PPFIA2: variants seen among roughly 807,000 people sequenced by gnomAD.
The protein encoded by PPFIA2 is liprin-alpha-2.
Under a neutral mutation model 175.5 loss-of-function variants are expected in PPFIA2, and 46 were observed. The observed-to-expected ratio is 0.26, with a 90% CI of 0.21 to 0.34. The LOEUF (loss-of-function observed/expected upper bound fraction) is 0.34. PPFIA2 is among the 10% of genes least tolerant of loss of function. PPFIA2 has a pLI of 1.00. For synonymous variants in PPFIA2, 568 were observed against 511.4 expected, an observed-to-expected ratio of 1.11 and a Z score of -1.49; for missense variants, 1,179 against 1,506.1, an observed-to-expected ratio of 0.78 and a Z score of 3.60.
intron 4 of PPFIA2, among the ~76,000 whole-genome samples, chr12:81,567,442 A>T (rs1203547316): frequency 6.6e-6 from 1 of 152,116 alleles, no homozygotes; most frequent in Non-Finnish European, 1.5e-5. Context: ...CTGGGCCTTT[A>T]GATAGTTTTA....
chr12:81,497,491 C>T (rs1049558767), intron 4 of PPFIA2, among the ~76,000 whole-genome samples: 5 of 149,596 alleles, frequency 3.3e-5, no homozygotes, highest in Non-Finnish European at 5.9e-5. Context: ...CTGCCTTCCC[C>T]ATGTTAGTCT....
chr12:81,659,592 G>T (rs2068441201), intron 4 of PPFIA2, among the ~76,000 whole-genome samples: 1 of 152,192 alleles, frequency 6.6e-6, no homozygotes, highest in South Asian at 2.1e-4. Flanking sequence ...GCAGCTCAAG[G>T]AGGCCCTGCC....
intron 18 of PPFIA2, among the ~76,000 whole-genome samples, chr12:81,346,353 C>T (rs1355444428): frequency 6.6e-6 from 1 of 151,898 alleles, no homozygotes; most frequent in Non-Finnish European, 1.5e-5. Flanking sequence ...AAAACCTCCA[C>T]TCTCTGTTGA....
chr12:81,702,557 G>C (rs954818939), intron 3 of PPFIA2, among the ~76,000 whole-genome samples: 2 of 151,996 alleles, frequency 1.3e-5, no homozygotes, highest in African/African-American at 4.8e-5. Context: ...AAGGATTGTG[G>C]GTTTTAATTA....
intron 22 of PPFIA2, among the ~76,000 whole-genome samples, chr12:81,322,218 T>TA: frequency 1.3e-5 from 2 of 152,228 alleles, no homozygotes; most frequent in South Asian, 4.1e-4. Flanking sequence ...GAATGGGAAA[T>TA]ACGTTCTTAA....
chr12:81,657,163 C>A (rs1443735881), intron 4 of PPFIA2, among the ~76,000 whole-genome samples: 1 of 152,172 alleles, frequency 6.6e-6, no homozygotes, highest in Non-Finnish European at 1.5e-5. Flanking sequence ...GATGAGTGCT[C>A]CTTAACACAG....
intron 4 of PPFIA2, among the ~76,000 whole-genome samples, chr12:81,494,838 A>T (rs2059849047): frequency 1.3e-5 from 2 of 150,962 alleles, no homozygotes; most frequent in South Asian, 2.1e-4. Context: ...GTAAACTATC[A>T]CAAGGACAAA....
chr12:81,441,977 G>A (rs1268162614), intron 6 of PPFIA2, among the ~76,000 whole-genome samples: 1 of 152,014 alleles, frequency 6.6e-6, no homozygotes, highest in Non-Finnish European at 1.5e-5. Context: ...CATAATATAA[G>A]AAATGGTTGA....
intron 4 of PPFIA2, among the ~76,000 whole-genome samples, chr12:81,464,002 T>G (rs1445772906): frequency 6.6e-6 from 1 of 152,152 alleles, no homozygotes; most frequent in East Asian, 1.9e-4. Flanking sequence ...AGCTCTTCTA[T>G]TTCAGCTAAT....
intron 4 of PPFIA2, among the ~76,000 whole-genome samples, chr12:81,631,036 A>C (rs1209187099): frequency 6.6e-6 from 1 of 151,794 alleles, no homozygotes; most frequent in African/African-American, 2.4e-5. Context: ...CTGGGACTAC[A>C]GGCGCTCGCT....
At chr12:81,364,186 G>C (rs957566090) in intron 14 of PPFIA2, among the ~76,000 whole-genome samples, 1 of 151,760 alleles carries the variant, frequency 6.6e-6, no homozygotes, top group African/African-American at 2.4e-5. Context: ...CCTCTTAGTG[G>C]AAATGGAGTA....
intron 4 of PPFIA2, among the ~76,000 whole-genome samples, chr12:81,464,902 C>A (rs896003327): frequency 1.4e-5 from 2 of 147,664 alleles, no homozygotes; most frequent in Non-Finnish European, 3.0e-5. Flanking sequence ...AAAAAAACTT[C>A]TAACTTCCCT....
intron 4 of PPFIA2, among the ~76,000 whole-genome samples, chr12:81,578,021 ATTCTGTGAATGAAAAAAGTG>A (rs1346343858): frequency 2.0e-5 from 3 of 151,670 alleles, no homozygotes; most frequent in African/African-American, 7.3e-5. Context: ...CACTTCTTTC[ATTCTGTGAATGAAAAAAGTG>A]TTTCATTCAC....
Position 81,268,006 on chromosome 12 carries a change from T to A in PPFIA2, c.3392A>T (p.Glu1131Val). The change falls in exon 29 of 33, where the codon GAG (glutamate) becomes GTG (valine). Residue 1131 changes from glutamate (E) to valine (V), a missense_variant. By Grantham distance (121) the Glu-to-Val change is moderately radical. Transcript: ENST00000549396. The stretch of plus-strand genomic sequence containing the variant: ...TATAAGTGAGCCATGCACACCGCTC[T>A]CAAGTATATTATTTGCATATTCTCG... ...GLREYANNIL[E>V]SGVHGSLIAL... 6.3e-7 allele frequency: 1 copy of A among 1,597,714 alleles called. No individual in the cohort carries two copies. Among genetic ancestry groups the A allele is most frequent in the Non-Finnish European group, 8.5e-7 (1 of 1,170,974 alleles).
At chr12:81,473,087 T>C (rs1566968026) in intron 4 of PPFIA2, 1 of 152,178 alleles carries the variant, frequency 6.6e-6, no homozygotes, top group Non-Finnish European at 1.5e-5. Flanking sequence ...AAGTATTGAA[T>C]TGCTACAGAA....
intron 4 of PPFIA2, among the ~76,000 whole-genome samples, chr12:81,566,490 C>T (rs760002630): frequency 7.6e-6 from 1 of 132,418 alleles, no homozygotes; most frequent in Non-Finnish European, 1.5e-5. Flanking sequence ...TGCCACTACA[C>T]TCCAGCCTAG....
intron 4 of PPFIA2, among the ~76,000 whole-genome samples, chr12:81,667,159 C>G (rs2070488095): frequency 6.6e-6 from 1 of 152,068 alleles, no homozygotes; most frequent in African/African-American, 2.4e-5. Context: ...TCCTAGTGTT[C>G]TGTGCTTTTT....
At chr12:81,647,591 C>G (rs971487553) in intron 4 of PPFIA2, among the ~76,000 whole-genome samples, 4 of 151,284 alleles carry the variant, frequency 2.6e-5, no homozygotes, top group Non-Finnish European at 4.4e-5. Context: ...GAAACCCTGT[C>G]TCTACTAAAA....
chr12:81,415,177 T>TAAAAAA (rs1165680008), intron 7 of PPFIA2, among the ~76,000 whole-genome samples: 1 of 15,340 alleles, frequency 6.5e-5, no homozygotes, highest in Non-Finnish European at 1.1e-4. Context: ...TTGGTTCAGG[T>TAAAAAA]AAAAAAAAAA....
Sources: gnomAD v4.1 joint callset for allele counts (sites outside exome capture counted in the v4.1 genomes callset) on GRCh38, gnomAD v4.1.1 for gene constraint, MANE v1.5 for transcripts, NCBI Gene and HGNC (gene_info 2026-07-23, HGNC 2026-07-21) for gene names.